TBC1D1: variants seen among roughly 807,000 people sequenced by gnomAD.
The protein encoded by TBC1D1 is TBC1 domain family member 1.
Under a neutral mutation model 125.6 loss-of-function variants are expected in TBC1D1, and 89 were observed. That is an observed-to-expected ratio of 0.71 (90% CI 0.60 to 0.85). TBC1D1 has a LOEUF of 0.85. TBC1D1 is among the 40% of genes least tolerant of loss of function. The pLI, the probability that TBC1D1 is intolerant of heterozygous loss-of-function variation, is 0.00. For missense variants in TBC1D1, 1,377 were observed against 1,469.2 expected (o/e 0.94, Z 1.03); for synonymous variants, 565 against 564.1 (o/e 1.00, Z -0.02).
At position 38,049,812 on chromosome 4, in the gene TBC1D1, A is replaced by C; in HGVS notation, c.1824A>C (p.Pro608=). The C allele has an allele frequency of 6.2e-7, 1 of 1,614,182 alleles. No homozygotes were observed. The highest frequency in any genetic ancestry group is 1.1e-5 in the South Asian group (1 of 91,086). The change falls in exon 11 of 20, where the codon CCA becomes CCC. Residue 608 remains proline (P), a synonymous_variant. Transcript: ENST00000261439. ...TCCCCATCGAATGCCAGGAACCTCC[A>C]CAACCTGCCCGGGGGTCCCCGGGGG...
At chr4:38,093,904 C>T (rs919418885) in intron 13 of TBC1D1, among the ~76,000 whole-genome samples, 6 of 152,052 alleles carry the variant, frequency 3.9e-5, no homozygotes, top group African/African-American at 1.4e-4. Flanking sequence ...TCAATACAGC[C>T]GTGGCTTGGT....
chr4:37,896,003 G>T (rs1238999543), intron 1 of TBC1D1, among the ~76,000 whole-genome samples: 1 of 152,134 alleles, frequency 6.6e-6, no homozygotes, highest in Non-Finnish European at 1.5e-5. Context: ...AGTACTTCAG[G>T]TTGCAGTATA....
chr4:37,987,245 A>C lies in TBC1D1; in HGVS notation c.418-27264A>C, dbSNP rs117744696. ...GTGTTAGAAGTCTCATAATTAATTT[A>C]ATTCTCAAAATAATTGTGGCAGTAG... On this transcript the variant is annotated intron_variant, in intron 2 of 19. Transcript: ENST00000261439. Among the ~76,000 whole-genome samples the C allele has an allele frequency of 2.0e-5, 3 of 152,148 alleles. No individual in the cohort carries two copies. The East Asian group carries it at 5.8e-4, about 29-fold the overall frequency.
intron 2 of TBC1D1, chr4:38,007,185 G>A: frequency 6.2e-6 from 1 of 162,588 alleles, no homozygotes; most frequent in East Asian, 1.8e-4. Context: ...TTTTAAGAAG[G>A]GCGGGGTTTG....
At chr4:38,051,998 CT>C (rs1293332139) in intron 11 of TBC1D1, 1 of 1,551,048 alleles carries the variant, frequency 6.4e-7, no homozygotes, top group Non-Finnish European at 8.7e-7. Context: ...CCTCGCCAAA[CT>C]TTTTTAAGTA....
chr4:38,107,007 C>G (rs952533413), intron 15 of TBC1D1, among the ~76,000 whole-genome samples: 2 of 151,222 alleles, frequency 1.3e-5, no homozygotes, highest in African/African-American at 4.9e-5. Flanking sequence ...TGCTGACCCC[C>G]CTCTCTCTTC....
chr4:38,026,371 G>A (rs1014444429), intron 6 of TBC1D1, among the ~76,000 whole-genome samples: 1 of 152,224 alleles, frequency 6.6e-6, no homozygotes, highest in Non-Finnish European at 1.5e-5. Context: ...GGCAGGCGTG[G>A]CTGCCGATGG....
chr4:37,980,913 A>G (rs1378825065), intron 2 of TBC1D1, among the ~76,000 whole-genome samples: 3 of 152,142 alleles, frequency 2.0e-5, no homozygotes, highest in South Asian at 2.1e-4. Flanking sequence ...GGAGATTTGT[A>G]AATTAAATAT....
intron 11 of TBC1D1, among the ~76,000 whole-genome samples, chr4:38,053,533 C>A (rs1298411896): frequency 6.6e-6 from 1 of 152,154 alleles, no homozygotes. Flanking sequence ...CTGATCTGTT[C>A]AGGACGTCTA....
chr4:37,957,584 C>T (rs1036137772), intron 2 of TBC1D1, among the ~76,000 whole-genome samples: 1 of 152,050 alleles, frequency 6.6e-6, no homozygotes, highest in Non-Finnish European at 1.5e-5. Context: ...ACAGCCTCAG[C>T]AACAGAGCAA....
In TBC1D1 at chr4:38,020,254, A is replaced by T. The variant is rs144666714; in HGVS notation, c.973-337A>T. On this transcript the variant is annotated intron_variant, in intron 4 of 19. Coordinates refer to ENST00000261439, the MANE Select transcript of TBC1D1 (RefSeq NM_015173.4). ...GTAATCCCAGCACTTTGGGAGGCTG[A>T]GGTGAGTGGATTACCTGAGGTCAGG... Among the ~76,000 whole-genome samples, 3 of 152,274 alleles carry T rather than the reference A, an allele frequency of 2.0e-5. No homozygotes were observed. The East Asian group carries it at 5.8e-4, about 29-fold the overall frequency.
intron 2 of TBC1D1, among the ~76,000 whole-genome samples, chr4:37,937,210 G>A (rs1724570851): frequency 6.6e-6 from 1 of 152,152 alleles, no homozygotes; most frequent in South Asian, 2.1e-4. Flanking sequence ...GAGAGTCCCA[G>A]ACAGGAATCC....
At chr4:38,096,230 C>A in intron 14 of TBC1D1, 140 bp downstream of exon 16, 1 of 636,582 alleles carries the variant, frequency 1.6e-6, no homozygotes, top group Non-Finnish European at 2.7e-6. Flanking sequence ...TTTCCATATA[C>A]CTTACTTAAT....
Position 37,995,206 on chromosome 4 carries a change from C to T in TBC1D1, c.418-19303C>T, listed in dbSNP as rs10084926. ...TAAAAGGAGATGAGATTTTCTTCCT[C>T]ATATGCTAGGAGCCTGGACAGATAA... On this transcript the variant is annotated intron_variant, in intron 2 of 19. Coordinates refer to ENST00000261439, the MANE Select transcript of TBC1D1 (RefSeq NM_015173.4). This position sits in a 1 kb window ranked among gnomAD's most constrained non-coding sequence, Gnocchi z 4.3. 0.25 allele frequency among the ~76,000 whole-genome samples: 38,180 copies of T among 152,016 alleles called. 4,927 individuals are homozygous for T. The highest frequency in any genetic ancestry group is 0.34 in the East Asian group (1,729 of 5,158).
At chr4:37,928,138 A>G (rs979908855) in intron 2 of TBC1D1, among the ~76,000 whole-genome samples, 18 of 152,198 alleles carry the variant, frequency 1.2e-4, no homozygotes, top group Non-Finnish European at 2.4e-4. Context: ...GCAAGGATTC[A>G]ATGAGTTAAG....
Position 38,014,243 on chromosome 4 carries a change from A to G in TBC1D1, c.418-266A>G, listed in dbSNP as rs1742121735. Among the ~76,000 whole-genome samples, 1 of 152,144 alleles carries G rather than the reference A, an allele frequency of 6.6e-6. No homozygotes were observed. The highest frequency in any genetic ancestry group is 1.5e-5 in the Non-Finnish European group (1 of 68,018). On this transcript the variant is annotated intron_variant, in intron 2 of 19. Transcript: ENST00000261439. This position sits in a 1 kb window ranked among gnomAD's most constrained non-coding sequence, Gnocchi z 5.1. ...TTTAACCTTGCAGGGTGCTGTGGGC[A>G]TGTAAATCCTCCAGCGCAGCCCTTG...
At chr4:38,002,070 G>T (rs1739190992) in intron 2 of TBC1D1, among the ~76,000 whole-genome samples, 1 of 152,196 alleles carries the variant, frequency 6.6e-6, no homozygotes, top group African/African-American at 2.4e-5. Flanking sequence ...TCCCTGGGAT[G>T]TGCTTGAGAG....
intron 1 of TBC1D1, among the ~76,000 whole-genome samples, chr4:37,899,011 G>A (rs1715243648): frequency 6.6e-6 from 1 of 152,190 alleles, no homozygotes; most frequent in South Asian, 2.1e-4. Flanking sequence ...CCAGGTAGAA[G>A]ACTTCAGATT....
chr4:37,970,655 T>C (rs1427107427), intron 2 of TBC1D1, among the ~76,000 whole-genome samples: 1 of 152,248 alleles, frequency 6.6e-6, no homozygotes, highest in Non-Finnish European at 1.5e-5. Context: ...TGCCTGAGCT[T>C]CCCTGCTACC....
Sources: gnomAD v4.1 joint callset for allele counts (sites outside exome capture counted in the v4.1 genomes callset) on GRCh38, gnomAD v4.1.1 for gene constraint, Gnocchi (gnomAD v3.1) non-coding constraint, MANE v1.5 for transcripts, NCBI Gene and HGNC (gene_info 2026-07-23, HGNC 2026-07-21) for gene names.